TSHZ3: variants seen among roughly 807,000 people sequenced by gnomAD.
The protein encoded by TSHZ3 is teashirt homolog 3.
Under a neutral mutation model 64.5 loss-of-function variants are expected in TSHZ3, and 10 were observed. The ratio of observed to expected loss-of-function variants is 0.16; its 90% CI spans 0.10 to 0.26. TSHZ3 has a LOEUF of 0.26. Ranked by LOEUF, TSHZ3 falls within the 10% of genes least tolerant of loss-of-function variation. The pLI is 1.00. For synonymous variants in TSHZ3, 608 were observed against 593.1 expected, an observed-to-expected ratio of 1.03 and a Z score of -0.36; for missense variants, 1,242 against 1,421.7, an observed-to-expected ratio of 0.87 and a Z score of 2.03.
intron 1 of TSHZ3, among the ~76,000 whole-genome samples, chr19:31,304,805 G>T (rs1049694931): frequency 6.6e-6 from 1 of 152,190 alleles, no homozygotes. Flanking sequence ...AGTCTTTGTT[G>T]AATGCACAAG....
chr19:31,220,042 C>T (rs1332344005), intron 4 of TSHZ3, among the ~76,000 whole-genome samples: 2 of 152,046 alleles, frequency 1.3e-5, no homozygotes, highest in African/African-American at 2.4e-5. Flanking sequence ...TACCCATTTA[C>T]CTTGTCAAGG....
downstream of TSHZ3, among the ~76,000 whole-genome samples, chr19:31,273,060 G>A (rs1976167413): frequency 6.6e-6 from 1 of 152,156 alleles, no homozygotes; most frequent in African/African-American, 2.4e-5. Context: ...GGCCATTCTG[G>A]GCTGGGGTGA....
intron 1 of TSHZ3, among the ~76,000 whole-genome samples, chr19:31,246,620 G>GGGAGGAAA (rs1461543699): frequency 1.3e-5 from 2 of 152,044 alleles, no homozygotes; most frequent in African/African-American, 4.8e-5. Flanking sequence ...AAGGGAGGAA[G>GGGAGGAAA]GGAGAGAGAG....
intron 1 of TSHZ3, among the ~76,000 whole-genome samples, chr19:31,313,860 G>A (rs1311586545): frequency 4.6e-5 from 7 of 152,172 alleles, no homozygotes; most frequent in African/African-American, 9.7e-5. Flanking sequence ...CTGAGAGTCC[G>A]GGTACCTGCA....
chr19:31,259,589 C>T (rs1975958575), intron 1 of TSHZ3, among the ~76,000 whole-genome samples: 1 of 151,790 alleles, frequency 6.6e-6, no homozygotes, highest in Admixed American at 6.6e-5. Flanking sequence ...CTGAGGGTAT[C>T]CTATGGGGCT....
At chr19:31,183,483 AAAAC>A (rs1360056204) in intron 5 of TSHZ3, among the ~76,000 whole-genome samples, 1 of 152,208 alleles carries the variant, frequency 6.6e-6, no homozygotes, top group Non-Finnish European at 1.5e-5. Flanking sequence ...GACATGGCAA[AAAAC>A]AAACAAACAA....
intron 5 of TSHZ3, among the ~76,000 whole-genome samples, chr19:31,160,194 G>A (rs181834004): frequency 9.5e-4 from 145 of 152,212 alleles, no homozygotes; most frequent in South Asian, 8.3e-4. Context: ...GATAGGTTAA[G>A]TAATTTGCCA....
chr19:31,250,875 G>T (rs977206052), intron 1 of TSHZ3, among the ~76,000 whole-genome samples: 1 of 152,168 alleles, frequency 6.6e-6, no homozygotes, highest in African/African-American at 2.4e-5. Context: ...CAGTAGGCTG[G>T]GGCAGTATCT....
chr19:31,349,754 T>C (rs1408429904), upstream of TSHZ3, among the ~76,000 whole-genome samples: 2 of 144,150 alleles, frequency 1.4e-5, no homozygotes, highest in African/African-American at 2.6e-5. Flanking sequence ...GGTCACGGCA[T>C]CCGGGGGGAC....
intron 1 of TSHZ3, among the ~76,000 whole-genome samples, chr19:31,306,787 G>T (rs1038352454): frequency 9.9e-5 from 15 of 152,126 alleles, no homozygotes; most frequent in African/African-American, 3.6e-4. Context: ...TAGGAAGAAA[G>T]AAAATGAATC....
At chr19:31,252,295 C>T (rs1975853756) in intron 1 of TSHZ3, among the ~76,000 whole-genome samples, 1 of 152,098 alleles carries the variant, frequency 6.6e-6, no homozygotes, top group Non-Finnish European at 1.5e-5. Context: ...TAATCTCTGC[C>T]TCTGTCTTCG....
chr19:31,339,809 G>T (rs538948154), intron 1 of TSHZ3, among the ~76,000 whole-genome samples: 28 of 151,858 alleles, frequency 1.8e-4, no homozygotes, highest in African/African-American at 6.5e-4. Flanking sequence ...AAAAAAAAGG[G>T]GGGGGCGTTC....
intron 1 of TSHZ3, among the ~76,000 whole-genome samples, chr19:31,329,562 T>C (rs1347370748): frequency 1.3e-5 from 2 of 152,248 alleles, no homozygotes; most frequent in Non-Finnish European, 2.9e-5. Flanking sequence ...TACTGGCAAC[T>C]TGCAGACTCA....
chr19:31,323,029 T>C (rs1916818485), intron 1 of TSHZ3, among the ~76,000 whole-genome samples: 1 of 152,234 alleles, frequency 6.6e-6, no homozygotes. Context: ...TTATAATGTG[T>C]GCATGTGTGT....
chr19:31,260,273 T>C (rs1229264555), intron 1 of TSHZ3, among the ~76,000 whole-genome samples: 1 of 152,226 alleles, frequency 6.6e-6, no homozygotes, highest in East Asian at 1.9e-4. Flanking sequence ...CCCAGGTCTC[T>C]GTCAGATTCA....
At chr19:31,210,718 C>T (rs895905501) in intron 4 of TSHZ3, among the ~76,000 whole-genome samples, 2 of 152,130 alleles carry the variant, frequency 1.3e-5, no homozygotes, top group Non-Finnish European at 1.5e-5. Context: ...TTTTCTTCTA[C>T]GAGAAACCTC....
At chr19:31,343,367 C>G (rs562408450) in intron 1 of TSHZ3, among the ~76,000 whole-genome samples, 6 of 152,180 alleles carry the variant, frequency 3.9e-5, no homozygotes, top group South Asian at 2.1e-4. Flanking sequence ...CCCCACCCCC[C>G]GGACTGTATC....
chr19:31,278,288 G>C lies in TSHZ3; in HGVS notation c.1505C>G (p.Ser502Cys). ...GEEEEKCDIS[S>C]KYHYLTENDL... Reference sequence around the variant, plus strand: ...ATTTTCAGTCAAGTAATGGTATTTGGAAGAGATGTCACACTTCTCCTCTTC... The same window carrying C: ...ATTTTCAGTCAAGTAATGGTATTTGCAAGAGATGTCACACTTCTCCTCTTC... Residue 502 changes from serine to cysteine, a missense_variant, in exon 2 of 2, where the codon TCC (serine) becomes TGC (cysteine). Ser to Cys is a moderately radical substitution (Grantham distance 112). Transcript: ENST00000240587. The surrounding 1 kb of genome is among the most constrained non-coding windows in gnomAD (Gnocchi z 4.7). 2 of 1,614,176 alleles carry C rather than the reference G, an allele frequency of 1.2e-6. No individual in the cohort carries two copies.
intron 4 of TSHZ3, among the ~76,000 whole-genome samples, chr19:31,217,768 A>G (rs1052908166): frequency 1.3e-5 from 2 of 152,202 alleles, no homozygotes; most frequent in African/African-American, 2.4e-5. Context: ...ATAGAATCCT[A>G]CAAAGCAGTG....
Sources: gnomAD v4.1 joint callset for allele counts (sites outside exome capture counted in the v4.1 genomes callset) on GRCh38, gnomAD v4.1.1 for gene constraint, Gnocchi (gnomAD v3.1) non-coding constraint, MANE v1.5 for transcripts, NCBI Gene and HGNC (gene_info 2026-07-23, HGNC 2026-07-21) for gene names.